FABP6: variants seen among roughly 807,000 people sequenced by gnomAD.
The protein encoded by FABP6 is fatty acid binding protein 6.
In FABP6, 13 loss-of-function variants were observed where a neutral mutation model predicts 14.9. The ratio of observed to expected loss-of-function variants is 0.87; its 90% confidence interval spans 0.57 to 1.39. The LOEUF (loss-of-function observed/expected upper bound fraction) is 1.39. Ranked by LOEUF, FABP6 falls within the 40% of genes most tolerant of loss-of-function variation. The pLI, the probability that FABP6 is intolerant of heterozygous loss-of-function variation, is 0.00. For synonymous variants in FABP6, 75 were observed against 63.6 expected (o/e 1.18, Z -0.85); for missense variants, 161 against 167.2 (o/e 0.96, Z 0.20).
chr5:160,199,579 G>A (rs1759588192), intron 2 of FABP6, among the ~76,000 whole-genome samples: 2 of 152,200 alleles, frequency 1.3e-5, no homozygotes, highest in East Asian at 1.9e-4. Flanking sequence ...GGCGGGGCTC[G>A]GCTGTCTCCT....
chr5:160,197,149 T>C (rs1759526202), intron 1 of FABP6: 1 of 152,312 alleles, frequency 6.6e-6, no homozygotes, highest in South Asian at 2.1e-4. Flanking sequence ...ACAGGGGCCC[T>C]GCCCGGCTAG....
chr5:160,229,683 C>T, intron 1 of FABP6, 59 bp downstream of exon 1: 1 of 1,475,772 alleles, frequency 6.8e-7, no homozygotes, highest in Non-Finnish European at 9.5e-7. Context: ...CAGCTCTGGG[C>T]CAGGAACCCT....
chr5:160,214,453 C>A lies in FABP6; in HGVS notation c.135+634C>A, dbSNP rs72812208. ...GTGCTGGGATTACAGATGTATGTCA[C>A]CACACCTGGCCTCAAGTGGATTTCG... On this transcript the variant is annotated intron_variant, in intron 3 of 6. Coordinates refer to the FABP6 transcript ENST00000393980. 7.1e-3 allele frequency among the ~76,000 whole-genome samples: 1,086 copies of A among 152,022 alleles called. 3 individuals carry two copies. The highest frequency in any genetic ancestry group is 0.012 in the Non-Finnish European group (831 of 68,002).
chr5:160,225,436 C>G (rs1366242481), upstream of FABP6, among the ~76,000 whole-genome samples: 1 of 140,888 alleles, frequency 7.1e-6, no homozygotes, highest in Admixed American at 7.6e-5. Flanking sequence ...GAGTCTCGCT[C>G]TGTCCCCCAG....
At chr5:160,229,872 T>G in intron 1 of FABP6, among the ~76,000 whole-genome samples, 1 of 118,714 alleles carries the variant, frequency 8.4e-6, no homozygotes, top group East Asian at 3.3e-4. Flanking sequence ...TTTTATTTTA[T>G]TTTATTTTAT....
At chr5:160,237,044 C>CTGTA (rs1326839372) in intron 3 of FABP6, among the ~76,000 whole-genome samples, 1 of 152,058 alleles carries the variant, frequency 6.6e-6, no homozygotes, top group Non-Finnish European at 1.5e-5. Flanking sequence ...GTAAAAAGAA[C>CTGTA]AAAAGTGACT....
intron 1 of FABP6, among the ~76,000 whole-genome samples, chr5:160,190,712 A>G (rs908370518): frequency 2.6e-5 from 4 of 152,144 alleles, no homozygotes; most frequent in South Asian, 2.1e-4. Context: ...ACCTATGTCC[A>G]TTATACTGGC....
chr5:160,218,516 A>G (rs1161649708), intron 3 of FABP6, among the ~76,000 whole-genome samples: 26 of 135,356 alleles, frequency 1.9e-4, no homozygotes. Context: ...GCTGGAGTGC[A>G]AAGGCGCGAT....
At chr5:160,231,615 C>T (rs1218474418) in intron 1 of FABP6, among the ~76,000 whole-genome samples, 4 of 152,086 alleles carry the variant, frequency 2.6e-5, no homozygotes, top group Admixed American at 1.3e-4. Context: ...AGGCTGGTCT[C>T]GAACTTCTGA....
At chr5:160,207,260 C>T (rs141392841) in intron 2 of FABP6, among the ~76,000 whole-genome samples, 94 of 152,350 alleles carry the variant, frequency 6.2e-4, no homozygotes, top group African/African-American at 2.0e-3. Context: ...TCCATTCATC[C>T]GACTCCCAGG....
In FABP6 at chr5:160,232,091, G is replaced by A. The variant is rs548447972; in HGVS notation, c.68-7G>A. ...TATATGGCTACTCTGCTTGTCCCCG[G>A]GTCCAGGGATCTCCAGCGATGTAAT... is the stretch of plus-strand genomic sequence containing the variant. On this transcript the variant is annotated splice_polypyrimidine_tract_variant and splice_region_variant and intron_variant, in intron 1 of 3. Coordinates refer to ENST00000402432, the MANE Select transcript of FABP6 (RefSeq NM_001445.3). The A allele has an allele frequency of 6.2e-7, 1 of 1,613,622 alleles. No individual in the cohort carries two copies. Among genetic ancestry groups the A allele is most frequent in the East Asian group, 2.2e-5 (1 of 44,866 alleles).
chr5:160,236,927 A>G (rs1332122988), intron 3 of FABP6, among the ~76,000 whole-genome samples: 3 of 152,070 alleles, frequency 2.0e-5, no homozygotes, highest in African/African-American at 7.2e-5. Flanking sequence ...GGTTGCAGTG[A>G]GCAAAGAATG....
chr5:160,238,118 C>T (rs73817349), intron 3 of FABP6, among the ~76,000 whole-genome samples: 2 of 152,152 alleles, frequency 1.3e-5, no homozygotes, highest in African/African-American at 2.4e-5. Flanking sequence ...CAGCATCCCC[C>T]CCGCCTGCCT....
chr5:160,200,212 A>T (rs56254311), intron 2 of FABP6, among the ~76,000 whole-genome samples: 7,158 of 152,218 alleles, frequency 0.047, 342 homozygotes, highest in East Asian at 0.19. Flanking sequence ...CACATGCAAC[A>T]TGCTTAGCAC....
chr5:160,224,612 G>A (rs560293125), upstream of FABP6, among the ~76,000 whole-genome samples: 2 of 152,226 alleles, frequency 1.3e-5, no homozygotes, highest in East Asian at 3.9e-4. Context: ...GAATGCAAAG[G>A]AAAAGTTTTT....
chr5:160,205,317 C>CAAAAAAAA (rs1163175404), intron 2 of FABP6, among the ~76,000 whole-genome samples: 1 of 67,072 alleles, frequency 1.5e-5, no homozygotes, highest in Admixed American at 1.8e-4. Flanking sequence ...GACTTCATCT[C>CAAAAAAAA]AAAAAAAAAA....
intron 1 of FABP6, among the ~76,000 whole-genome samples, chr5:160,189,068 A>C (rs1433865164): frequency 6.6e-6 from 1 of 151,888 alleles, no homozygotes; most frequent in Non-Finnish European, 1.5e-5. Context: ...CAGAGAGTAA[A>C]TACTTCGGGT....
At chr5:160,216,529 A>G (rs1760016641) in intron 3 of FABP6, among the ~76,000 whole-genome samples, 1 of 152,008 alleles carries the variant, frequency 6.6e-6, no homozygotes, top group South Asian at 2.1e-4. Context: ...CAGCCTCCCA[A>G]AATGCTGGGA....
intron 1 of FABP6, among the ~76,000 whole-genome samples, chr5:160,189,389 C>T (rs1759351798): frequency 6.6e-6 from 1 of 151,954 alleles, no homozygotes. Context: ...TTACAGGCGC[C>T]CACCACCACA....
Sources: gnomAD v4.1 joint callset for allele counts (sites outside exome capture counted in the v4.1 genomes callset) on GRCh38, gnomAD v4.1.1 for gene constraint, MANE v1.5 for transcripts, NCBI Gene and HGNC (gene_info 2026-07-23, HGNC 2026-07-21) for gene names.